BRD4: variants seen among roughly 807,000 people sequenced by gnomAD.
BRD4 encodes the protein bromodomain containing 4.
A neutral mutation model predicts 142.1 loss-of-function variants in BRD4; 16 were observed. The ratio of observed to expected loss-of-function variants is 0.11; its 90% confidence interval spans 0.08 to 0.17. The LOEUF is 0.17. Among genes scored for constraint, BRD4 ranks in the 10% least tolerant of loss-of-function variants. BRD4 has a pLI of 1.00. For missense variants in BRD4, 1,424 were observed against 1,810.9 expected (o/e 0.79, Z 3.88); for synonymous variants, 833 against 707.5 (o/e 1.18, Z -2.82).
chr19:15,236,279 T>C lies in BRD4; in HGVS notation c.*2098A>G, dbSNP rs536996416. ...CTTCTTGGGCGTCACCCGTGCCTTGTGGCTGGGGCATGTACATACACAAGT... is the reference window on the plus strand; with the variant it reads ...CTTCTTGGGCGTCACCCGTGCCTTGCGGCTGGGGCATGTACATACACAAGT... On this transcript the variant is annotated 3_prime_UTR_variant, in exon 20 of 20. Transcript: ENST00000679869. The C allele has an allele frequency of 3.3e-5, 5 of 152,320 alleles. No homozygotes were observed. The highest frequency in any genetic ancestry group is 5.9e-5 in the Non-Finnish European group (4 of 68,036). 9.4% of individuals were successfully genotyped at this position (152,320 alleles called of 1,614,324 possible). A position where few individuals can be genotyped will look rare whatever the true frequency, so the allele number is the denominator to read the frequency against.
In BRD4 at chr19:15,238,810, T is replaced by C. The variant is rs756018641; in HGVS notation, c.3953A>G (p.Gln1318Arg). 1 of 1,602,736 alleles carries C rather than the reference T, an allele frequency of 6.2e-7. No individual in the cohort carries two copies. The highest frequency in any genetic ancestry group is 2.2e-5 in the East Asian group (1 of 44,578). Residue 1318 changes from glutamine (Q) to arginine (R), a missense_variant, in exon 19 of 20, where the codon CAG becomes CGG. Gln to Arg is a conservative substitution (Grantham distance 43). Around this residue, in one of 16 missense-constraint regions of BRD4, gnomAD observed 109 missense variants for 117.9 expected, o/e 0.92. Transcript: ENST00000679869. This position sits in a 1 kb window ranked among gnomAD's most constrained non-coding sequence, Gnocchi z 7.2. ...ATPQAQSSQP[Q>R]SMLDQQRELA... ...CTCCCTCTGCTGGTCCAGCATGGAC[T>C]GGGGCTGGGAGCTCTGGGCCTGTGG... is the stretch of plus-strand genomic sequence containing the variant.
At chr19:15,245,913 G>A (rs2047281723) in intron 11 of BRD4, among the ~76,000 whole-genome samples, 1 of 152,188 alleles carries the variant, frequency 6.6e-6, no homozygotes, top group Admixed American at 6.5e-5. Context: ...CCTTCCACTT[G>A]GATCTGCTTC....
rs533681460 is a variant in BRD4, at chr19:15,272,255, C to A, written c.285+560G>T. ...TAGCCAGAGGGAGGGAGGGCAACAC[C>A]ACCTGTGCAGCTGCAGCCACAGCCA... On this transcript the variant is annotated intron_variant, in intron 2 of 19. Coordinates refer to ENST00000679869, the MANE Select transcript of BRD4 (RefSeq NM_001379291.1). Among the ~76,000 whole-genome samples, 56 of 152,192 alleles carry A rather than the reference C, an allele frequency of 3.7e-4. No homozygotes were observed. The South Asian group carries it at 0.012, about 32-fold the overall frequency.
At chr19:15,245,490 G>A (rs1025003025) in intron 11 of BRD4, among the ~76,000 whole-genome samples, 1 of 152,204 alleles carries the variant, frequency 6.6e-6, no homozygotes, top group Non-Finnish European at 1.5e-5. Flanking sequence ...GCTGCAGACA[G>A]AAGGCAGCAT....
At chr19:15,302,606 T>C (rs2047878664) in intron 1 of BRD4, among the ~76,000 whole-genome samples, 1 of 129,480 alleles carries the variant, frequency 7.7e-6, no homozygotes, top group African/African-American at 3.1e-5. Context: ...GAGGCGGAAG[T>C]TGCAGTGAGC....
intron 14 of BRD4, among the ~76,000 whole-genome samples, chr19:15,241,071 A>G (rs2047234270): frequency 6.6e-6 from 1 of 152,202 alleles, no homozygotes. Context: ...CTAACGCCAG[A>G]AGACACTGCA....
intron 11 of BRD4, chr19:15,253,702 AT>A: frequency 6.3e-7 from 1 of 1,598,436 alleles, no homozygotes; most frequent in Non-Finnish European, 8.5e-7. Context: ...CCAGCGAAGC[AT>A]CTCCCTGAAG....
At chr19:15,274,799 C>T (rs2047628221) in intron 1 of BRD4, among the ~76,000 whole-genome samples, 1 of 152,138 alleles carries the variant, frequency 6.6e-6, no homozygotes, top group Admixed American at 6.5e-5. Context: ...GTGCTCTAGG[C>T]CAGTGACCAC....
chr19:15,327,230 C>T (rs894573795), intron 1 of BRD4, among the ~76,000 whole-genome samples: 1 of 152,124 alleles, frequency 6.6e-6, no homozygotes, highest in Non-Finnish European at 1.5e-5. Flanking sequence ...ATATCTGTCC[C>T]AGAGAAACTA....
At position 15,238,725 on chromosome 19, in the gene BRD4, C is replaced by G; in HGVS notation, c.4020+18G>C. On this transcript the variant is annotated intron_variant, in intron 19 of 19. Transcript: ENST00000679869. This position sits in a 1 kb window ranked among gnomAD's most constrained non-coding sequence, Gnocchi z 7.2. ...GCTAATCCTTAGACCAGGGTCCCCA[C>G]CAGGCCTCCAGACTCACGGCTTCCC... 1 of 1,502,066 alleles carries G rather than the reference C, an allele frequency of 6.7e-7. No individual in the cohort carries two copies. Among genetic ancestry groups the G allele is most frequent in the Non-Finnish European group, 8.9e-7 (1 of 1,124,614 alleles). The allele number at this position is 1,502,066 out of a possible 1,614,324, so 93.0% of individuals were successfully genotyped here.
intron 5 of BRD4, 72 bp from the exon 6 acceptor site, chr19:15,264,838 C>T: frequency 6.5e-7 from 1 of 1,536,236 alleles, no homozygotes; most frequent in Admixed American, 2.0e-5. Context: ...AGGGTCACCC[C>T]CAAAGCCAGG....
chr19:15,314,975 G>A lies in BRD4; in HGVS notation c.-35+17315C>T, dbSNP rs183131364. Among the ~76,000 whole-genome samples the A allele has an allele frequency of 1.1e-3, 166 of 152,312 alleles. 1 individual carries two copies. The highest frequency in any genetic ancestry group is 1.9e-3 in the Non-Finnish European group (131 of 68,028). On this transcript the variant is annotated intron_variant, in intron 1 of 19. Transcript: ENST00000679869. ...CAACAGTGTGTCACAGAACCCAGGA[G>A]CCCAGGGTGCTACATGACAGGAGTG... is the stretch of plus-strand genomic sequence containing the variant.
In BRD4 at chr19:15,244,375, G is replaced by C; in HGVS notation, c.2437C>G (p.Pro813Ala). 1.2e-6 allele frequency: 2 copies of C among 1,605,652 alleles called. No individual in the cohort carries two copies. Among genetic ancestry groups the C allele is most frequent in the African/African-American group, 2.7e-5 (2 of 74,870 alleles). Residue 813 changes from proline (P) to alanine (A), a missense_variant, in exon 13 of 20, where the codon CCA becomes GCA. By Grantham distance (27) the Pro-to-Ala change is conservative. Transcript: ENST00000679869. ...CCGATGGGGTCAAAGACGCTGCCTG[G>C]GAGCTGGGGCTCCAGGACGGGCACC... The part of the protein sequence containing the change: ...TQVPVLEPQL[P>A]GSVFDPIGHF...
In BRD4 at chr19:15,306,650, A is replaced by G. The variant is rs756889117; in HGVS notation, c.-35+25640T>C. 2.6e-5 allele frequency among the ~76,000 whole-genome samples: 4 copies of G among 152,300 alleles called. No homozygotes were observed. The East Asian group carries it at 7.7e-4, about 29-fold the overall frequency. The stretch of plus-strand genomic sequence containing the variant: ...ACACTTTAAAGGCTATTATAGGGTT[A>G]TTAACCGGCCTAATTTTAAGACAGT... On this transcript the variant is annotated intron_variant, in intron 1 of 19. Transcript: ENST00000679869.
At chr19:15,318,247 C>A (rs996106985) in intron 1 of BRD4, among the ~76,000 whole-genome samples, 2 of 152,238 alleles carry the variant, frequency 1.3e-5, no homozygotes, top group Middle Eastern at 3.4e-3. Context: ...GGGAAAACAT[C>A]CATTGGCACA....
intron 1 of BRD4, among the ~76,000 whole-genome samples, chr19:15,299,802 C>T (rs536995726): frequency 2.3e-4 from 35 of 152,340 alleles, no homozygotes; most frequent in African/African-American, 7.5e-4. Flanking sequence ...TGTGTCCTTA[C>T]GGCAAGTGGC....
At chr19:15,275,314 A>T (rs753052422) in intron 1 of BRD4, among the ~76,000 whole-genome samples, 1 of 152,226 alleles carries the variant, frequency 6.6e-6, no homozygotes, top group Non-Finnish European at 1.5e-5. Flanking sequence ...GTAACAGTTA[A>T]ATCCTCAAAA....
intron 11 of BRD4, among the ~76,000 whole-genome samples, chr19:15,250,805 C>T (rs1295367204): frequency 1.3e-5 from 2 of 152,190 alleles, no homozygotes; most frequent in Non-Finnish European, 2.9e-5. Flanking sequence ...ATGCCCTGCC[C>T]CATGTGCTTG....
chr19:15,310,380 C>CCCA (rs1215996476), intron 1 of BRD4, among the ~76,000 whole-genome samples: 13 of 26,822 alleles, frequency 4.8e-4, no homozygotes, highest in African/African-American at 1.4e-3. Context: ...CCCCCCCCCC[C>CCCA]GAAGGAGTCT....
Sources: allele counts gnomAD v4.1 joint callset (sites outside exome capture counted in the v4.1 genomes callset), GRCh38; gene constraint gnomAD v4.1.1; regional missense constraint gnomAD v4.1.1; non-coding constraint Gnocchi (gnomAD v3.1); transcripts MANE v1.5; gene names NCBI Gene and HGNC (gene_info 2026-07-23, HGNC 2026-07-21).